IRF2: variants seen among roughly 807,000 people sequenced by gnomAD.
IRF2 encodes interferon regulatory factor 2.
IRF2 carries 15 observed loss-of-function variants against 40.6 expected under a neutral mutation model. That is an observed-to-expected ratio of 0.37 (90% CI 0.25 to 0.57). The LOEUF is 0.57. IRF2 is among the 20% of genes least tolerant of loss of function. IRF2 has a pLI of 0.77. For missense variants in IRF2, 317 were observed against 455.7 expected (o/e 0.70, Z 2.77); for synonymous variants, 151 against 165.5 (o/e 0.91, Z 0.67).
At chr4:184,392,509 G>A (rs772970609) in intron 7 of IRF2, among the ~76,000 whole-genome samples, 6 of 152,184 alleles carry the variant, frequency 3.9e-5, no homozygotes, top group African/African-American at 9.6e-5. Flanking sequence ...CTCATCCCCC[G>A]TTACGCAGAA....
intron 3 of IRF2, among the ~76,000 whole-genome samples, 174 bp from the exon 4 acceptor site, chr4:184,418,882 T>G (rs1737376216): frequency 6.6e-6 from 1 of 151,918 alleles, no homozygotes; most frequent in African/African-American, 2.4e-5. Flanking sequence ...GTTCTTGGGA[T>G]GTGGGAATTT....
rs574070403 is a variant in IRF2, at chr4:184,470,095, C to A, written c.-7+4284G>T. 7.9e-5 allele frequency among the ~76,000 whole-genome samples: 12 copies of A among 152,176 alleles called. No homozygotes were observed. The East Asian group carries it at 2.3e-3, about 29-fold the overall frequency. ...CATGAAGCTGGCATCGTGCACCGAC[C>A]ACTGATTACACTCAGGCCAAACACA... On this transcript the variant is annotated intron_variant, in intron 1 of 8. Transcript: ENST00000393593.
In IRF2 at chr4:184,388,919, T is replaced by G. The variant is rs908024202; in HGVS notation, c.889A>C (p.Asn297His). ...DLQVTIKEES[N>H]PVPYNSSWPP... is the part of the protein sequence containing the mutation. ...CAGGAGCTGTTGTAAGGCACCGGAT[T>G]GCTCTCCTCTTTGATGGTGACCTGG... is the stretch of plus-strand genomic sequence containing the variant. The change falls in exon 9 of 9, where the codon AAT (asparagine) becomes CAT (histidine). Residue 297 changes from asparagine (N) to histidine (H), a missense_variant. Physicochemically the swap from Asn to His is moderately conservative, Grantham distance 68. Around this residue, in one of 2 missense-constraint regions of IRF2, gnomAD observed 262 missense variants for 334.0 expected, o/e 0.78. Coordinates refer to ENST00000393593, the MANE Select transcript of IRF2 (RefSeq NM_002199.4). This position sits in a 1 kb window ranked among gnomAD's most constrained non-coding sequence, Gnocchi z 4.6. 6.2e-7 allele frequency: 1 copy of G among 1,614,006 alleles called. No homozygotes were observed. The highest frequency in any genetic ancestry group is 1.3e-5 in the African/African-American group (1 of 74,892).
Position 184,419,603 on chromosome 4 carries a change from G to A in IRF2, c.88-35C>T, listed in dbSNP as rs144672150. On this transcript the variant is annotated intron_variant, in intron 2 of 8. Transcript: ENST00000393593. ...AAAAAAAAAAAAAAGGTAAAGAACT[G>A]GAGTCATGGGTTTTGGCCCACCATT... is the stretch of plus-strand genomic sequence containing the variant. 3.4e-4 allele frequency: 485 copies of A among 1,414,900 alleles called. 4 individuals carry two copies. The African/African-American group carries it at 6.5e-3, about 19-fold the overall frequency. 87.6% of individuals were successfully genotyped at this position (1,414,900 alleles called of 1,614,324 possible).
intron 7 of IRF2, among the ~76,000 whole-genome samples, chr4:184,394,271 G>A (rs1253530509): frequency 6.6e-6 from 1 of 152,122 alleles, no homozygotes; most frequent in Non-Finnish European, 1.5e-5. Context: ...CAGTTCTAGG[G>A]TGACACTGGT....
chr4:184,436,584 A>G (rs1006557273), intron 1 of IRF2, among the ~76,000 whole-genome samples: 2 of 152,266 alleles, frequency 1.3e-5, no homozygotes, highest in African/African-American at 4.8e-5. Flanking sequence ...TGGGCATATA[A>G]GAGAAAGCTT....
intron 1 of IRF2, among the ~76,000 whole-genome samples, chr4:184,435,879 G>A (rs1245948663): frequency 6.6e-6 from 1 of 152,242 alleles, no homozygotes; most frequent in Middle Eastern, 3.4e-3. Context: ...AAATGACCTG[G>A]AACTACCAAA....
chr4:184,460,694 CACAT>C (rs1355178658), intron 1 of IRF2, among the ~76,000 whole-genome samples: 3 of 151,752 alleles, frequency 2.0e-5, no homozygotes, highest in Non-Finnish European at 4.4e-5. Flanking sequence ...CGCACACACA[CACAT>C]GCACACGCAC....
intron 1 of IRF2, among the ~76,000 whole-genome samples, chr4:184,433,465 G>T (rs1457328210): frequency 6.6e-6 from 1 of 152,112 alleles, no homozygotes; most frequent in Non-Finnish European, 1.5e-5. Context: ...CCTCACTTAC[G>T]CAACATGCCT....
At chr4:184,426,532 A>G (rs1737680860) in intron 2 of IRF2, among the ~76,000 whole-genome samples, 2 of 152,162 alleles carry the variant, frequency 1.3e-5, no homozygotes, top group Admixed American at 1.3e-4. Flanking sequence ...AAGGTCCTTC[A>G]CTATATCTGC....
chr4:184,436,935 G>A (rs1229783288), intron 1 of IRF2, among the ~76,000 whole-genome samples: 1 of 152,084 alleles, frequency 6.6e-6, no homozygotes, highest in East Asian at 1.9e-4. Flanking sequence ...ACCCAGACTA[G>A]AGTGCAGTGG....
At chr4:184,465,471 C>T (rs1739286607) in intron 1 of IRF2, among the ~76,000 whole-genome samples, 1 of 132,996 alleles carries the variant, frequency 7.5e-6, no homozygotes, top group Admixed American at 7.5e-5. Context: ...TTGGAAAATA[C>T]AAAAATGTTT....
chr4:184,393,975 G>A (rs867343463), intron 7 of IRF2, among the ~76,000 whole-genome samples: 3 of 152,210 alleles, frequency 2.0e-5, no homozygotes, highest in African/African-American at 7.2e-5. Context: ...CTCCAGATCA[G>A]TGTTACTATC....
intron 7 of IRF2, among the ~76,000 whole-genome samples, chr4:184,398,458 A>G (rs1299119384): frequency 2.0e-5 from 3 of 152,024 alleles, no homozygotes; most frequent in Non-Finnish European, 2.9e-5. Context: ...GGAGCTCGAG[A>G]CCAGCCTGGC....
At chr4:184,428,948 TCA>T in intron 2 of IRF2, 28 bp downstream of exon 2, 2 of 1,577,078 alleles carry the variant, frequency 1.3e-6, no homozygotes, top group Non-Finnish European at 8.7e-7. Context: ...AGGACCTCTC[TCA>T]CACATACACC....
intron 7 of IRF2, among the ~76,000 whole-genome samples, chr4:184,393,922 T>G (rs1736351165): frequency 2.0e-5 from 3 of 152,194 alleles, no homozygotes; most frequent in Admixed American, 6.5e-5. Flanking sequence ...CATTGCCACT[T>G]CCACGCTGAC....
intron 2 of IRF2, among the ~76,000 whole-genome samples, chr4:184,422,792 C>T (rs1422048928): frequency 6.6e-6 from 1 of 152,080 alleles, no homozygotes; most frequent in Non-Finnish European, 1.5e-5. Context: ...TTACTGGTTG[C>T]CACAAGCTAG....
Position 184,388,562 on chromosome 4 carries a change from G to A in IRF2, c.*196C>T, listed in dbSNP as rs1165319591. On this transcript the variant is annotated 3_prime_UTR_variant, in exon 9 of 9. Coordinates refer to ENST00000393593, the MANE Select transcript of IRF2 (RefSeq NM_002199.4). This position sits in a 1 kb window ranked among gnomAD's most constrained non-coding sequence, Gnocchi z 4.6. ...GATCCAGCAGGCTCTAGAAACACACGTCTACCAATGGGCTGGAGTCCTGAG... is the reference window on the plus strand; with the variant it reads ...GATCCAGCAGGCTCTAGAAACACACATCTACCAATGGGCTGGAGTCCTGAG... 10 of 578,290 alleles carry A rather than the reference G, an allele frequency of 1.7e-5. No homozygotes were observed. The highest frequency in any genetic ancestry group is 3.1e-5 in the East Asian group (1 of 32,228). 35.8% of individuals were successfully genotyped at this position (578,290 alleles called of 1,614,324 possible).
intron 2 of IRF2, among the ~76,000 whole-genome samples, chr4:184,426,825 C>T (rs865867717): frequency 5.3e-5 from 8 of 152,214 alleles, no homozygotes; most frequent in African/African-American, 1.9e-4. Flanking sequence ...AACACAGGAG[C>T]ATTTGCTTTC....
Sources: gnomAD v4.1 joint callset for allele counts (sites outside exome capture counted in the v4.1 genomes callset) on GRCh38, gnomAD v4.1.1 for gene constraint, gnomAD v4.1.1 regional missense constraint, Gnocchi (gnomAD v3.1) non-coding constraint, MANE v1.5 for transcripts, NCBI Gene and HGNC (gene_info 2026-07-23, HGNC 2026-07-21) for gene names.